Variants in KCNIP1 observed in about 807,000 individuals in gnomAD.
The protein encoded by KCNIP1 is potassium voltage-gated channel interacting protein 1.
Under a neutral mutation model 33.0 loss-of-function variants are expected in KCNIP1, and 18 were observed. That is an observed-to-expected ratio of 0.55 (90% CI 0.38 to 0.81). The LOEUF (loss-of-function observed/expected upper bound fraction) is 0.81. Ranked by LOEUF, KCNIP1 falls within the 30% of genes least tolerant of loss-of-function variation. KCNIP1 has a pLI of 0.00. For synonymous variants in KCNIP1, 93 were observed against 98.3 expected, an observed-to-expected ratio of 0.95 and a Z score of 0.32; for missense variants, 238 against 271.6, an observed-to-expected ratio of 0.88 and a Z score of 0.87.
intron 1 of KCNIP1, among the ~76,000 whole-genome samples, chr5:170,578,828 T>A (rs961794133): frequency 2.6e-5 from 4 of 152,116 alleles, no homozygotes; most frequent in Non-Finnish European, 4.4e-5. Flanking sequence ...GGCTAACATA[T>A]GAATATAACA....
intron 1 of KCNIP1, among the ~76,000 whole-genome samples, chr5:170,690,473 A>G (rs1762684119): frequency 6.6e-6 from 1 of 152,252 alleles, no homozygotes. Context: ...TATTTCAGAG[A>G]ATATCCCAAG....
At chr5:170,565,660 A>G (rs1757179838) in intron 1 of KCNIP1, among the ~76,000 whole-genome samples, 1 of 152,182 alleles carries the variant, frequency 6.6e-6, no homozygotes, top group Non-Finnish European at 1.5e-5. Flanking sequence ...ATAAGAAGCA[A>G]TATGCTATTT....
Position 170,504,201 on chromosome 5 carries a change from A to T in KCNIP1, c.-372A>T. 9.7e-7 allele frequency: 1 copy of T among 1,035,198 alleles called. No homozygotes were observed. Among genetic ancestry groups the T allele is most frequent in the Non-Finnish European group, 1.2e-6 (1 of 863,626 alleles). 64.1% of individuals were successfully genotyped at this position (1,035,198 alleles called of 1,614,324 possible). A position where few individuals can be genotyped will look rare whatever the true frequency, so the allele number is the denominator to read the frequency against. ...GGGGCGGGCGGACGGCGGCTCCCGCACCGCACGCGGCGCTGGCTCGGCAGC... is the reference window on the plus strand; with the variant it reads ...GGGGCGGGCGGACGGCGGCTCCCGCTCCGCACGCGGCGCTGGCTCGGCAGC... On this transcript the variant is annotated 5_prime_UTR_variant, in exon 1 of 8. Coordinates refer to ENST00000328939, the MANE Select transcript of KCNIP1 (RefSeq NM_014592.4). This position sits in a 1 kb window ranked among gnomAD's most constrained non-coding sequence, Gnocchi z 6.0.
At chr5:170,388,018 G>GCCC (rs3838244) in intron 1 of KCNIP1, among the ~76,000 whole-genome samples, 1 of 148,796 alleles carries the variant, frequency 6.7e-6, no homozygotes, top group Non-Finnish European at 1.5e-5. Context: ...TGGCTAATCA[G>GCCC]CCCCCCCCAG....
intron 1 of KCNIP1, among the ~76,000 whole-genome samples, chr5:170,519,998 A>G (rs1484214522): frequency 6.6e-6 from 1 of 152,160 alleles, no homozygotes; most frequent in Non-Finnish European, 1.5e-5. Flanking sequence ...TTAAGGTTAT[A>G]AAGCACTCTA....
intron 1 of KCNIP1, among the ~76,000 whole-genome samples, chr5:170,662,008 T>C (rs1271596903): frequency 6.6e-6 from 1 of 152,160 alleles, no homozygotes; most frequent in Non-Finnish European, 1.5e-5. Flanking sequence ...GGCTCCTCCT[T>C]GCCATCTGCA....
At chr5:170,371,402 A>C (rs1763839793) in intron 1 of KCNIP1, among the ~76,000 whole-genome samples, 1 of 152,166 alleles carries the variant, frequency 6.6e-6, no homozygotes. Flanking sequence ...GGTATCTGGA[A>C]GCATCTAACA....
intron 1 of KCNIP1, among the ~76,000 whole-genome samples, chr5:170,495,455 A>G: frequency 6.6e-6 from 1 of 152,162 alleles, no homozygotes; most frequent in Non-Finnish European, 1.5e-5. Context: ...TGCTACACAC[A>G]GAGGTGGCAG....
chr5:170,445,790 C>A (rs1168719125), intron 1 of KCNIP1, among the ~76,000 whole-genome samples: 1 of 152,206 alleles, frequency 6.6e-6, no homozygotes, highest in East Asian at 1.9e-4. Context: ...ATTATCAGGG[C>A]CTAAAGCCAG....
chr5:170,511,818 G>A (rs1165388712), intron 1 of KCNIP1, among the ~76,000 whole-genome samples: 2 of 152,216 alleles, frequency 1.3e-5, no homozygotes, highest in African/African-American at 4.8e-5. Context: ...CCCAGACCCT[G>A]AGCTTCTAAC....
At chr5:170,689,964 C>T (rs1762664869) in intron 1 of KCNIP1, among the ~76,000 whole-genome samples, 1 of 152,176 alleles carries the variant, frequency 6.6e-6, no homozygotes. Context: ...AAACCTAAAA[C>T]CCTTCTTTTG....
intron 1 of KCNIP1, among the ~76,000 whole-genome samples, chr5:170,354,297 C>T (rs935724901): frequency 3.9e-5 from 6 of 152,096 alleles, no homozygotes; most frequent in Admixed American, 3.3e-4. Context: ...AGAAGTTATC[C>T]ATGGAAGGTT....
At chr5:170,439,516 T>C (rs965497602) in intron 1 of KCNIP1, among the ~76,000 whole-genome samples, 1 of 151,976 alleles carries the variant, frequency 6.6e-6, no homozygotes, top group African/African-American at 2.4e-5. Context: ...TGGCACCACC[T>C]GGTGGTCTCA....
chr5:170,648,343 G>A (rs1390768733), intron 1 of KCNIP1, among the ~76,000 whole-genome samples: 1 of 152,202 alleles, frequency 6.6e-6, no homozygotes, highest in African/African-American at 2.4e-5. Flanking sequence ...GTTTACAGCA[G>A]CTTTATTCAT....
At chr5:170,616,008 C>T (rs769509801) in intron 1 of KCNIP1, among the ~76,000 whole-genome samples, 2 of 152,158 alleles carry the variant, frequency 1.3e-5, no homozygotes, top group Non-Finnish European at 2.9e-5. Flanking sequence ...AACAAGACCA[C>T]TTTCACAGGG....
intron 1 of KCNIP1, among the ~76,000 whole-genome samples, chr5:170,597,812 T>A (rs1319173878): frequency 4.8e-4 from 5 of 10,514 alleles, no homozygotes; most frequent in African/African-American, 7.9e-4. Flanking sequence ...TATATATATA[T>A]ATATATATAT....
intron 1 of KCNIP1, among the ~76,000 whole-genome samples, chr5:170,354,732 C>G (rs1238927553): frequency 6.6e-6 from 1 of 152,222 alleles, no homozygotes; most frequent in African/African-American, 2.4e-5. Flanking sequence ...AGGGCCCAGT[C>G]CTGTGTCTTA....
At chr5:170,502,316 A>T (rs990006455), upstream of KCNIP1, among the ~76,000 whole-genome samples, 1 of 152,206 alleles carries the variant, frequency 6.6e-6, no homozygotes, top group Non-Finnish European at 1.5e-5. Context: ...CAGAAAAGCA[A>T]TAAATGCTGC....
chr5:170,715,126 C>G (rs1275177886), intron 1 of KCNIP1, among the ~76,000 whole-genome samples: 2 of 152,136 alleles, frequency 1.3e-5, no homozygotes, highest in African/African-American at 4.8e-5. Context: ...TTTGGACACA[C>G]AAATACTTAA....
Sources: gnomAD v4.1 joint callset for allele counts (sites outside exome capture counted in the v4.1 genomes callset) on GRCh38, gnomAD v4.1.1 for gene constraint, Gnocchi (gnomAD v3.1) non-coding constraint, MANE v1.5 for transcripts, NCBI Gene and HGNC (gene_info 2026-07-23, HGNC 2026-07-21) for gene names.